Variants in EGF observed in about 807,000 individuals in gnomAD.
EGF encodes the protein pro-epidermal growth factor.
In EGF, 95 loss-of-function variants were observed where a neutral mutation model predicts 143.8. The ratio of observed to expected loss-of-function variants is 0.66; its 90% CI spans 0.56 to 0.78. The LOEUF (loss-of-function observed/expected upper bound fraction) is 0.78. Ranked by LOEUF, EGF falls within the 30% of genes least tolerant of loss-of-function variation. The pLI is 0.00. For synonymous variants in EGF, 510 were observed against 510.5 expected, an observed-to-expected ratio of 1.00 and a Z score of 0.01; for missense variants, 1,320 against 1,470.9, an observed-to-expected ratio of 0.90 and a Z score of 1.68.
intron 10 of EGF, among the ~76,000 whole-genome samples, chr4:109,966,614 C>A (rs560980615): frequency 6.6e-6 from 1 of 152,222 alleles, no homozygotes; most frequent in South Asian, 2.1e-4. Flanking sequence ...TGAGAAATCA[C>A]CATACTTTTT....
At chr4:109,951,481 GTTGT>G (rs551752436) in intron 5 of EGF, among the ~76,000 whole-genome samples, 1 of 152,048 alleles carries the variant, frequency 6.6e-6, no homozygotes, top group African/African-American at 2.4e-5. Flanking sequence ...TTTTTTTGTT[GTTGT>G]TTGTTTGTTT....
intron 5 of EGF, among the ~76,000 whole-genome samples, chr4:109,947,788 G>A (rs752137491): frequency 1.3e-5 from 2 of 152,128 alleles, no homozygotes; most frequent in Non-Finnish European, 2.9e-5. Context: ...ACATTTATAT[G>A]TAACCTCAGA....
chr4:109,941,439 T>C (rs183795280), intron 2 of EGF, among the ~76,000 whole-genome samples: 2 of 152,310 alleles, frequency 1.3e-5, no homozygotes, highest in African/African-American at 4.8e-5. Flanking sequence ...ATTTGCATGA[T>C]TATTTCTTGC....
intron 9 of EGF, 72 bp from the exon 10 acceptor site, chr4:109,964,329 G>T: frequency 1.9e-6 from 3 of 1,581,908 alleles, no homozygotes; most frequent in Non-Finnish European, 2.6e-6. Context: ...CAGTGAAAGG[G>T]AAGAGTCAGA....
chr4:110,000,782 T>G (rs950483562), intron 21 of EGF, among the ~76,000 whole-genome samples: 3 of 152,242 alleles, frequency 2.0e-5, no homozygotes, highest in African/African-American at 7.2e-5. Flanking sequence ...TTATAGTTTG[T>G]GTTGTACAAA....
chr4:109,962,105 G>C, intron 8 of EGF, 120 bp downstream of exon 8: 1 of 1,503,266 alleles, frequency 6.7e-7, no homozygotes. Flanking sequence ...TATACTGAAA[G>C]ATATTGTTAC....
At chr4:109,958,917 CAAAAA>C (rs57909689) in intron 5 of EGF, among the ~76,000 whole-genome samples, 1 of 98,590 alleles carries the variant, frequency 1.0e-5, no homozygotes, top group Non-Finnish European at 2.1e-5. Flanking sequence ...GACCCTGTCT[CAAAAA>C]AAAAAAAAAA....
intron 23 of EGF, among the ~76,000 whole-genome samples, chr4:110,009,089 C>T (rs1753685940): frequency 6.6e-6 from 1 of 152,194 alleles, no homozygotes; most frequent in Non-Finnish European, 1.5e-5. Context: ...CTGGAAAGAA[C>T]ATAGGCTTCT....
At position 109,943,408 on chromosome 4, in the gene EGF, C is replaced by T; in HGVS notation, c.482C>T (p.Ala161Val). The change falls in exon 3 of 24, where the codon GCA becomes GTA. Residue 161 changes from alanine to valine, a missense_variant. By Grantham distance (64) the Ala-to-Val change is moderately conservative. Transcript: ENST00000265171. ...CTTTTAAGTGCTTTAAAATATCCTG[C>T]AAATGTAGCAGTTGATCCAGTAGAA... ...HILLSALKYP[A>V]NVAVDPVERF... is the part of the protein sequence containing the mutation. 2 of 1,613,716 alleles carry T rather than the reference C, an allele frequency of 1.2e-6. No homozygotes were observed. Among genetic ancestry groups the T allele is most frequent in the Non-Finnish European group, 1.7e-6 (2 of 1,179,774 alleles).
chr4:109,938,336 G>A (rs1741239369), intron 1 of EGF, among the ~76,000 whole-genome samples: 1 of 152,204 alleles, frequency 6.6e-6, no homozygotes, highest in South Asian at 2.1e-4. Context: ...GTGTCACGAA[G>A]TTCCTGTGCT....
intron 5 of EGF, among the ~76,000 whole-genome samples, chr4:109,946,334 A>G (rs775282036): frequency 1.3e-5 from 2 of 152,162 alleles, no homozygotes; most frequent in Admixed American, 6.5e-5. Flanking sequence ...AGTCTCATCA[A>G]TATTTGACCA....
At position 109,924,690 on chromosome 4, in the gene EGF, G is replaced by T. The variant is rs76469933; in HGVS notation, c.127+11228G>T. ...GACGCCTTCCTACAAAGAAACTAAAGATTGCAGACAACACTAATATTGCAA... is the reference window on the plus strand; with the variant it reads ...GACGCCTTCCTACAAAGAAACTAAATATTGCAGACAACACTAATATTGCAA... On this transcript the variant is annotated intron_variant, in intron 1 of 23. Coordinates refer to ENST00000265171, the MANE Select transcript of EGF (RefSeq NM_001963.6). Among the ~76,000 whole-genome samples, 1,986 of 152,264 alleles carry T rather than the reference G, an allele frequency of 0.013. 209 individuals are homozygous for T. The East Asian group carries it at 0.23, about 18-fold the overall frequency.
chr4:109,969,278 C>A (rs1747184092), intron 11 of EGF, among the ~76,000 whole-genome samples, 159 bp downstream of exon 11: 1 of 152,206 alleles, frequency 6.6e-6, no homozygotes, highest in African/African-American at 2.4e-5. Flanking sequence ...ACTCCCTCCA[C>A]TTCCTCCTTT....
At chr4:109,953,740 G>A (rs1744319319) in intron 5 of EGF, among the ~76,000 whole-genome samples, 1 of 152,168 alleles carries the variant, frequency 6.6e-6, no homozygotes, top group Admixed American at 6.5e-5. Context: ...TGCAGCCGTT[G>A]ACACTGGCAG....
chr4:109,984,921 G>C (rs1243349054), intron 16 of EGF, among the ~76,000 whole-genome samples: 2 of 152,188 alleles, frequency 1.3e-5, no homozygotes, highest in East Asian at 1.9e-4. Context: ...GGGATACCAA[G>C]ATGAGCTAAA....
At chr4:109,956,363 G>C (rs1744788822) in intron 5 of EGF, among the ~76,000 whole-genome samples, 1 of 152,152 alleles carries the variant, frequency 6.6e-6, no homozygotes, top group Admixed American at 6.5e-5. Context: ...TTTATAAGAA[G>C]CATAGTGTTT....
chr4:110,009,984 G>A (rs1420658540), intron 23 of EGF, among the ~76,000 whole-genome samples: 4 of 152,070 alleles, frequency 2.6e-5, no homozygotes, highest in South Asian at 2.1e-4. Flanking sequence ...CCTGTAATCC[G>A]AGCACTTTGG....
At chr4:109,927,847 G>GTT (rs1161914899) in intron 1 of EGF, among the ~76,000 whole-genome samples, 3 of 136,222 alleles carry the variant, frequency 2.2e-5, no homozygotes, top group Non-Finnish European at 4.9e-5. Context: ...GTGTGTGTGT[G>GTT]TGAAACATTT....
intron 1 of EGF, among the ~76,000 whole-genome samples, chr4:109,929,083 G>A (rs1488042267): frequency 3.3e-5 from 5 of 152,134 alleles, no homozygotes; most frequent in African/African-American, 1.2e-4. Flanking sequence ...ATGGATGTAG[G>A]GAATCCAGCC....
Sources: gnomAD v4.1 joint callset for allele counts (sites outside exome capture counted in the v4.1 genomes callset) on GRCh38, gnomAD v4.1.1 for gene constraint, MANE v1.5 for transcripts, NCBI Gene and HGNC (gene_info 2026-07-23, HGNC 2026-07-21) for gene names.